Variants in FNDC3A observed in about 807,000 individuals in gnomAD.
FNDC3A encodes fibronectin type-III domain-containing protein 3A.
FNDC3A carries 32 observed loss-of-function variants against 148.9 expected under a neutral mutation model. The ratio of observed to expected loss-of-function variants is 0.21; its 90% confidence interval spans 0.16 to 0.29. FNDC3A has a LOEUF of 0.29. Among genes scored for constraint, FNDC3A ranks in the 10% least tolerant of loss-of-function variants. The pLI is 1.00. For missense variants in FNDC3A, 1,191 were observed against 1,452.8 expected, an observed-to-expected ratio of 0.82 and a Z score of 2.93; for synonymous variants, 472 against 473.6, an observed-to-expected ratio of 1.00 and a Z score of 0.04.
At chr13:49,147,449 G>A (rs1566283242) in intron 8 of FNDC3A, among the ~76,000 whole-genome samples, 2 of 151,948 alleles carry the variant, frequency 1.3e-5, no homozygotes, top group Non-Finnish European at 2.9e-5. Flanking sequence ...GAGGTAAGGG[G>A]TGGGGAATGG....
At chr13:49,057,728 A>G (rs1876356677) in intron 2 of FNDC3A, among the ~76,000 whole-genome samples, 1 of 152,174 alleles carries the variant, frequency 6.6e-6, no homozygotes, top group African/African-American at 2.4e-5. Flanking sequence ...ACCAATATCA[A>G]ACTAAGCATA....
At chr13:49,166,100 G>T (rs577118505) in intron 8 of FNDC3A, among the ~76,000 whole-genome samples, 5 of 152,210 alleles carry the variant, frequency 3.3e-5, no homozygotes, top group Non-Finnish European at 5.9e-5. Flanking sequence ...GCCCAAGGAA[G>T]AATCCTCAGG....
intron 2 of FNDC3A, among the ~76,000 whole-genome samples, chr13:49,060,145 C>A (rs1445035027): frequency 6.6e-6 from 1 of 152,144 alleles, no homozygotes; most frequent in Non-Finnish European, 1.5e-5. Context: ...CCTAATTATT[C>A]CACAAGTACT....
At chr13:49,177,426 C>G (rs1289511145) in intron 13 of FNDC3A, among the ~76,000 whole-genome samples, 3 of 152,090 alleles carry the variant, frequency 2.0e-5, no homozygotes, top group Non-Finnish European at 4.4e-5. Flanking sequence ...GCTAGCTGAC[C>G]AGGAGTTAGG....
At chr13:49,186,888 G>A (rs1236142603) in intron 15 of FNDC3A, among the ~76,000 whole-genome samples, 1 of 151,916 alleles carries the variant, frequency 6.6e-6, no homozygotes, top group African/African-American at 2.4e-5. Flanking sequence ...ATAAAAATAA[G>A]TAAATGGAAT....
chr13:49,193,789 G>C (rs1043441559), intron 19 of FNDC3A, among the ~76,000 whole-genome samples: 1 of 151,890 alleles, frequency 6.6e-6, no homozygotes, highest in Non-Finnish European at 1.5e-5. Context: ...GCATAGTGGC[G>C]TGTGCCTGTA....
chr13:49,065,390 T>TACCAAG (rs1877198720), intron 2 of FNDC3A, among the ~76,000 whole-genome samples: 1 of 152,182 alleles, frequency 6.6e-6, no homozygotes, highest in South Asian at 2.1e-4. Flanking sequence ...CAATATGTAA[T>TACCAAG]ACCAAGAGGT....
chr13:49,090,343 G>C (rs1428343258), intron 3 of FNDC3A, among the ~76,000 whole-genome samples: 1 of 152,168 alleles, frequency 6.6e-6, no homozygotes, highest in African/African-American at 2.4e-5. Context: ...AATCACTTGA[G>C]GTAGAAGTTG....
At position 49,125,857 on chromosome 13, in the gene FNDC3A, A is replaced by T. The variant is rs1316081845; in HGVS notation, c.253-5280A>T. On this transcript the variant is annotated intron_variant, in intron 4 of 25. Transcript: ENST00000492622. ...CAATTGTGTCTCTGTTCAATAAAGG[A>T]AGAAAAAAAAACATGTCTTTGCCTA... 3.9e-5 allele frequency among the ~76,000 whole-genome samples: 6 copies of T among 152,150 alleles called. No homozygotes were observed. The East Asian group carries it at 1.2e-3, about 29-fold the overall frequency.
At chr13:49,028,479 A>G (rs1448462047) in intron 2 of FNDC3A, among the ~76,000 whole-genome samples, 1 of 152,016 alleles carries the variant, frequency 6.6e-6, no homozygotes, top group African/African-American at 2.4e-5. Flanking sequence ...ACTTCAAGTG[A>G]TCCTCCAACC....
intron 4 of FNDC3A, among the ~76,000 whole-genome samples, chr13:49,122,851 A>G (rs897461140): frequency 2.6e-5 from 4 of 152,182 alleles, no homozygotes; most frequent in Admixed American, 2.0e-4. Flanking sequence ...ATAAGAGAGG[A>G]CACAAACAAA....
At chr13:49,148,146 A>G (rs542225431) in intron 8 of FNDC3A, among the ~76,000 whole-genome samples, 4 of 152,148 alleles carry the variant, frequency 2.6e-5, no homozygotes, top group Admixed American at 2.6e-4. Context: ...TAGTTTGCAA[A>G]TACTCTCTCC....
At chr13:49,124,515 C>A (rs995858110) in intron 4 of FNDC3A, among the ~76,000 whole-genome samples, 1 of 151,652 alleles carries the variant, frequency 6.6e-6, no homozygotes, top group African/African-American at 2.4e-5. Flanking sequence ...AAAAAAGCTT[C>A]AGAAGAAGCA....
intron 2 of FNDC3A, among the ~76,000 whole-genome samples, chr13:49,073,661 GTA>G (rs1383958757): frequency 6.9e-6 from 1 of 145,588 alleles, no homozygotes; most frequent in South Asian, 2.1e-4. Context: ...CATTTCATAT[GTA>G]TATATATATA....
intron 1 of FNDC3A, among the ~76,000 whole-genome samples, chr13:48,984,985 A>C (rs1369741779): frequency 6.6e-6 from 1 of 152,104 alleles, no homozygotes; most frequent in African/African-American, 2.4e-5. Flanking sequence ...CCCAGCCCCG[A>C]GTGGACTAAA....
intron 3 of FNDC3A, among the ~76,000 whole-genome samples, chr13:49,111,415 C>T (rs954554717): frequency 3.9e-5 from 6 of 152,032 alleles, no homozygotes; most frequent in South Asian, 2.1e-4. Flanking sequence ...AATATGATAC[C>T]GATAAATTGT....
At chr13:49,150,253 G>T (rs1566285169) in intron 8 of FNDC3A, among the ~76,000 whole-genome samples, 1 of 151,588 alleles carries the variant, frequency 6.6e-6, no homozygotes. Flanking sequence ...GCTCTGATCT[G>T]CACCACTGCA....
intron 2 of FNDC3A, among the ~76,000 whole-genome samples, chr13:49,020,435 G>C (rs1476517487): frequency 6.6e-6 from 1 of 152,208 alleles, no homozygotes; most frequent in African/African-American, 2.4e-5. Flanking sequence ...GTCAGAATAG[G>C]CAAGATTATT....
At chr13:49,077,123 T>TA (rs1878167847) in intron 3 of FNDC3A, among the ~76,000 whole-genome samples, 1 of 152,060 alleles carries the variant, frequency 6.6e-6, no homozygotes, top group Non-Finnish European at 1.5e-5. Flanking sequence ...ACAAAAAATT[T>TA]AAAAATTAGG....
Sources: gnomAD v4.1 joint callset for allele counts (sites outside exome capture counted in the v4.1 genomes callset) on GRCh38, gnomAD v4.1.1 for gene constraint, MANE v1.5 for transcripts, NCBI Gene and HGNC (gene_info 2026-07-23, HGNC 2026-07-21) for gene names.